Variants in PCDHGA1 observed in about 807,000 individuals in gnomAD.
PCDHGA1 encodes the protein protocadherin gamma subfamily A, 1.
Under a neutral mutation model 58.0 loss-of-function variants are expected in PCDHGA1, and 32 were observed. The ratio of observed to expected loss-of-function variants is 0.55; its 90% confidence interval spans 0.42 to 0.74. PCDHGA1 has a LOEUF of 0.74. Ranked by LOEUF, PCDHGA1 falls within the 30% of genes least tolerant of loss-of-function variation. The pLI is 0.00. For synonymous variants in PCDHGA1, 498 were observed against 501.1 expected (o/e 0.99, Z 0.08); for missense variants, 1,205 against 1,182.3 (o/e 1.02, Z -0.28).
chr5:141,401,408 A>T (rs943963302), intron 1 of PCDHGA1, among the ~76,000 whole-genome samples: 9 of 152,200 alleles, frequency 5.9e-5, no homozygotes, highest in African/African-American at 1.7e-4. Context: ...TATGAGAGAG[A>T]AAGAGAGAGA....
intron 1 of PCDHGA1, chr5:141,375,741 T>C (rs1374220780): frequency 1.9e-6 from 3 of 1,614,246 alleles, no homozygotes; most frequent in South Asian, 2.2e-5. Flanking sequence ...CTGTTTGTGC[T>C]GGACCAGAAT....
chr5:141,332,595 G>A lies in PCDHGA1; in HGVS notation c.1911G>A (p.Ala637=), dbSNP rs763255155. 8.7e-6 allele frequency: 14 copies of A among 1,612,858 alleles called. No homozygotes were observed. The highest frequency in any genetic ancestry group is 2.2e-5 in the East Asian group (1 of 44,858). ...RTARALLDRD[A]LKQSLVVAVQ... is the part of the protein sequence containing the mutation. Reference sequence around the variant, plus strand: ...CGCGAGCCCTGCTGGACAGAGACGCGCTCAAGCAGAGTCTCGTGGTGGCCG... The same window carrying A: ...CGCGAGCCCTGCTGGACAGAGACGCACTCAAGCAGAGTCTCGTGGTGGCCG... The change falls in exon 1 of 4, where the codon GCG becomes GCA. Residue 637 remains alanine (A), a synonymous_variant. Coordinates refer to ENST00000517417, the MANE Select transcript of PCDHGA1 (RefSeq NM_018912.3). The surrounding 1 kb of genome is among the most constrained non-coding windows in gnomAD (Gnocchi z 4.6).
At chr5:141,427,695 C>T in intron 1 of PCDHGA1, 1 of 918,214 alleles carries the variant, frequency 1.1e-6, no homozygotes, top group Non-Finnish European at 1.7e-6. Context: ...CTCCATCCCA[C>T]AAGTCAGCGC....
chr5:141,413,446 G>A, intron 1 of PCDHGA1: 1 of 1,614,130 alleles, frequency 6.2e-7, no homozygotes. Context: ...CTTGATCACC[G>A]CGGGCAGGAT....
In PCDHGA1 at chr5:141,350,749, A is replaced by G. The variant is rs753374370; in HGVS notation, c.2421+17644A>G. 1.3e-5 allele frequency: 21 copies of G among 1,613,854 alleles called. No homozygotes were observed. In the East Asian group the frequency reaches 3.6e-4, roughly 27 times the overall value. Reference sequence around the variant, plus strand: ...AAGATGCAGATGTGGAAGGCAATTCACTGAAGTTATACACCATCAACCCCA... The same window carrying G: ...AAGATGCAGATGTGGAAGGCAATTCGCTGAAGTTATACACCATCAACCCCA... On this transcript the variant is annotated intron_variant, in intron 1 of 3. Coordinates refer to ENST00000517417, the MANE Select transcript of PCDHGA1 (RefSeq NM_018912.3).
chr5:141,393,016 C>G, intron 1 of PCDHGA1: 1 of 1,613,872 alleles, frequency 6.2e-7, no homozygotes, highest in East Asian at 2.2e-5. Flanking sequence ...CGTATCGTCT[C>G]CAGAGGTAGG....
chr5:141,370,291 A>C (rs1766798910), intron 1 of PCDHGA1: 8 of 1,049,850 alleles, frequency 7.6e-6, no homozygotes, highest in Admixed American at 2.8e-5. Flanking sequence ...AGAGAACCCA[A>C]GCACAAAGAC....
intron 1 of PCDHGA1, among the ~76,000 whole-genome samples, chr5:141,492,421 C>G (rs986772215): frequency 5.9e-5 from 9 of 152,250 alleles, no homozygotes; most frequent in African/African-American, 1.9e-4. Context: ...CTCCCTCCGC[C>G]GGGCTCAGGA....
chr5:141,433,993 T>G (rs1367687577), intron 1 of PCDHGA1, among the ~76,000 whole-genome samples: 1 of 152,216 alleles, frequency 6.6e-6, no homozygotes, highest in Non-Finnish European at 1.5e-5. Context: ...GAGTTTTATA[T>G]TCTCTATATA....
chr5:141,371,171 C>T, intron 1 of PCDHGA1: 1 of 1,614,048 alleles, frequency 6.2e-7, no homozygotes, highest in Non-Finnish European at 8.5e-7. Flanking sequence ...CCGCTGGCTC[C>T]TCCGTATTAA....
At chr5:141,345,827 G>A (rs779769007) in intron 1 of PCDHGA1, 1 of 1,613,472 alleles carries the variant, frequency 6.2e-7, no homozygotes, top group African/African-American at 1.3e-5. Context: ...ACAGAGACTC[G>A]GGCCAGAACG....
chr5:141,453,423 C>T (rs931962019), intron 1 of PCDHGA1, among the ~76,000 whole-genome samples: 2 of 152,120 alleles, frequency 1.3e-5, no homozygotes, highest in African/African-American at 4.8e-5. Context: ...TAAGCCACCA[C>T]ACCTAGCCTA....
In PCDHGA1 at chr5:141,428,010, G is replaced by C. The variant is rs544491298; in HGVS notation, c.2422-66797G>C. The C allele has an allele frequency of 1.2e-4, 192 of 1,603,004 alleles. 6 individuals are homozygous for C. In the South Asian group the frequency reaches 2.0e-3, roughly 17 times the overall value. ...CGATGGCTCCGCACTCTTCGATATA[G>C]TGCCACGCGCCGCAGAGTCCGGCTA... On this transcript the variant is annotated intron_variant, in intron 1 of 3. Transcript: ENST00000517417.
Position 141,432,038 on chromosome 5 carries a change from C to G in PCDHGA1, c.2422-62769C>G, listed in dbSNP as rs202246871. ...CAACATCACAGTGACCGCCACTGAC[C>G]GGGGAACCCCGCCCCTATCCACGGA... On this transcript the variant is annotated intron_variant, in intron 1 of 3. Transcript: ENST00000517417. This position sits in a 1 kb window ranked among gnomAD's most constrained non-coding sequence, Gnocchi z 6.0. 2 of 1,614,190 alleles carry G rather than the reference C, an allele frequency of 1.2e-6. No homozygotes were observed. The highest frequency in any genetic ancestry group is 8.5e-7 in the Non-Finnish European group (1 of 1,180,032).
rs766784928 is a variant in PCDHGA1, at chr5:141,431,447, G to T, written c.2422-63360G>T. ...GCGCACAGGCACCGCGCGCATCCGC[G>T]TGATGGTTCTGGATGCGAACGACAA... On this transcript the variant is annotated intron_variant, in intron 1 of 3. Coordinates refer to ENST00000517417, the MANE Select transcript of PCDHGA1 (RefSeq NM_018912.3). The surrounding 1 kb of genome is among the most constrained non-coding windows in gnomAD (Gnocchi z 4.8). 2 of 1,613,792 alleles carry T rather than the reference G, an allele frequency of 1.2e-6. No individual in the cohort carries two copies. The highest frequency in any genetic ancestry group is 1.7e-6 in the Non-Finnish European group (2 of 1,180,014).
rs540852016 is a variant in PCDHGA1, at chr5:141,351,570, A to G, written c.2421+18465A>G. ...TCCTCCAGGACAAGCATCACCCTGC[A>G]CATCTCCGACATCAACGACAATGCA... is the stretch of plus-strand genomic sequence containing the variant. On this transcript the variant is annotated intron_variant, in intron 1 of 3. Coordinates refer to ENST00000517417, the MANE Select transcript of PCDHGA1 (RefSeq NM_018912.3). 1.6e-5 allele frequency: 26 copies of G among 1,614,046 alleles called. No homozygotes were observed. The East Asian group carries it at 5.3e-4, about 33-fold the overall frequency.
intron 1 of PCDHGA1, chr5:141,427,995 G>T (rs1292989797): frequency 6.3e-7 from 1 of 1,599,590 alleles, no homozygotes; most frequent in Non-Finnish European, 8.6e-7. Flanking sequence ...CGATGGCTCC[G>T]CACTCTTCGA....
intron 1 of PCDHGA1, chr5:141,361,519 G>A (rs1265098241): frequency 6.2e-7 from 1 of 1,614,024 alleles, no homozygotes; most frequent in East Asian, 2.2e-5. Flanking sequence ...GGTTCACGTG[G>A]CAGAGAACAA....
At chr5:141,430,589 G>A in intron 1 of PCDHGA1, 1 of 529,266 alleles carries the variant, frequency 1.9e-6, no homozygotes, top group Non-Finnish European at 3.1e-6. Context: ...TGCTCGCCTT[G>A]CACGCGCCTG....
Sources: allele counts gnomAD v4.1 joint callset (sites outside exome capture counted in the v4.1 genomes callset), GRCh38; gene constraint gnomAD v4.1.1; non-coding constraint Gnocchi (gnomAD v3.1); transcripts MANE v1.5; gene names NCBI Gene and HGNC (gene_info 2026-07-23, HGNC 2026-07-21).